The following SF1 variants were observed in gnomAD, a reference collection of about 807,000 sequenced individuals.
SF1 encodes splicing factor 1, also known as branch point-binding protein.
SF1 carries 7 observed loss-of-function variants against 62.5 expected under a neutral mutation model. That is an observed-to-expected ratio of 0.11 (90% CI 0.06 to 0.21). The LOEUF is 0.21. SF1 is among the 10% of genes least tolerant of loss of function. The pLI is 1.00. For missense variants in SF1, 578 were observed against 884.0 expected (o/e 0.65, Z 4.39); for synonymous variants, 394 against 323.6 (o/e 1.22, Z -2.33).
chr11:64,778,147 C>A, intron 1 of SF1: 1 of 822,694 alleles, frequency 1.2e-6, no homozygotes. Flanking sequence ...GCGGCGGCGG[C>A]TGCTGGGGAG....
chr11:64,773,134 C>T, intron 3 of SF1: 1 of 1,209,950 alleles, frequency 8.3e-7, no homozygotes, highest in South Asian at 1.9e-5. Flanking sequence ...AACGGGCCAC[C>T]TCACTGTCCC....
In SF1 at chr11:64,766,004, C is replaced by A. The variant is rs771113225; in HGVS notation, c.1734G>T (p.Pro578=). 5.7e-5 allele frequency: 91 copies of A among 1,596,964 alleles called. No individual in the cohort carries two copies. Among genetic ancestry groups the A allele is most frequent in the Non-Finnish European group, 7.4e-5 (87 of 1,173,594 alleles). ...PLPPGVQPPL[P]PGAPPPPPPP... ...GCGGCGGAGGGGGAGGGGCCCCAGG[C>A]GGCAGAGGCGGCTGGACCCCGGGGG... The change falls in exon 13 of 13, where the codon CCG becomes CCT. Residue 578 remains proline, a synonymous_variant. Coordinates refer to ENST00000377390, the MANE Select transcript of SF1 (RefSeq NM_004630.4).
chr11:64,768,202 A>G lies in SF1; in HGVS notation c.972T>C (p.Pro324=), dbSNP rs1379524993. 1.2e-6 allele frequency: 2 copies of G among 1,614,086 alleles called. No homozygotes were observed. The highest frequency in any genetic ancestry group is 2.2e-5 in the East Asian group (1 of 44,866). ...AGGTGGAGCCCACAGATGCTGGGAC[A>G]GGTGCTTCACCCAGTTCAGCCATGA... ...LSLMAELGEA[P]VPASVGSTSG... Residue 324 remains proline (P), a synonymous_variant, in exon 9 of 13, where the codon CCT becomes CCC. Transcript: ENST00000377390.
At chr11:64,777,644 A>C (rs1592538630) in intron 1 of SF1, 9 of 985,464 alleles carry the variant, frequency 9.1e-6, no homozygotes, top group Non-Finnish European at 9.6e-6. Flanking sequence ...CACAGCTAGC[A>C]CCCCGTCCAG....
Position 64,767,621 on chromosome 11 carries a change from G to T in SF1, c.1292C>A (p.Pro431Gln), listed in dbSNP as rs763586047. ...AGGAGGGTGGGGGCCCTGGTTCATC[G>T]GTGGTGGTGGTGGCTGCATCCAAGG... ...PPPWMQPPPPPMNQGPHPPGH... is the reference protein window; with the variant it reads ...PPPWMQPPPPQMNQGPHPPGH... Residue 431 changes from proline to glutamine, a missense_variant, in exon 10 of 13, where the codon CCG becomes CAG. Transcript: ENST00000377390. 3 of 1,583,302 alleles carry T rather than the reference G, an allele frequency of 1.9e-6. No homozygotes were observed. The highest frequency in any genetic ancestry group is 1.7e-6 in the Non-Finnish European group (2 of 1,165,558).
intron 2 of SF1, among the ~76,000 whole-genome samples, chr11:64,775,213 A>G (rs1403927456): frequency 6.6e-6 from 1 of 152,152 alleles, no homozygotes; most frequent in African/African-American, 2.4e-5. Context: ...TCTTCTGTGG[A>G]GAACTACACC....
chr11:64,767,842 AG>A lies in SF1; in HGVS notation c.1070del (p.Ser357PhefsTer13). ...AAPANNPPPPSLMSTTQSRPP... is the reference protein window; with the variant it reads ...AAPANNPPPPXLMSTTQSRPP... ...GGCGGCTCTGGGTGGTAGACATGAG[AG>A]ACTACGTGAGAGCATTTCCTGCCAA... On this transcript the variant is annotated frameshift_variant and splice_region_variant, in exon 10 of 13. Transcript: ENST00000377390. LOFTEE classifies it high-confidence loss of function. 5 of 1,607,508 alleles carry A rather than the reference AG, an allele frequency of 3.1e-6. No individual in the cohort carries two copies. The highest frequency in any genetic ancestry group is 4.2e-6 in the Non-Finnish European group (5 of 1,177,932).
Position 64,767,598 on chromosome 11 carries a change from G to A in SF1, c.1315C>T (p.Pro439Ser). Residue 439 changes from proline to serine, a missense_variant, in exon 10 of 13, where the codon CCT becomes TCT. Pro to Ser is a moderately conservative substitution (Grantham distance 74, BLOSUM62 -1). Transcript: ENST00000377390. ...PPPMNQGPHP[P>S]GHHGPPPMDQ... is the part of the protein sequence containing the mutation. ...ATTGGAGGAGGGCCATGGTGCCCAG[G>A]AGGGTGGGGGCCCTGGTTCATCGGT... 6.3e-7 allele frequency: 1 copy of A among 1,576,990 alleles called. No homozygotes were observed. The highest frequency in any genetic ancestry group is 1.2e-5 in the South Asian group (1 of 86,880).
At chr11:64,766,257 T>G in intron 12 of SF1, 102 bp from the exon 13 acceptor site, 1 of 53,544 alleles carries the variant, frequency 1.9e-5, no homozygotes. Context: ...GCTCCTTGCT[T>G]GGCATGCGGT....
Position 64,765,356 on chromosome 11 carries a change from C to G in SF1, c.*462G>C. 2 of 814,804 alleles carry G rather than the reference C, an allele frequency of 2.5e-6. No individual in the cohort carries two copies. Among genetic ancestry groups the G allele is most frequent in the East Asian group, 5.1e-5 (2 of 39,242 alleles). 50.5% of individuals were successfully genotyped at this position (814,804 alleles called of 1,614,324 possible). On this transcript the variant is annotated 3_prime_UTR_variant, in exon 13 of 13. Transcript: ENST00000377390. ...TTAATAAAAATTTCACGATATGGAG[C>G]CAGCGTGTTCCGATTCCGTCCACAA...
chr11:64,766,250 CCTTG>C, intron 12 of SF1, 95 bp from the exon 13 acceptor site: 1 of 231,232 alleles, frequency 4.3e-6, no homozygotes, highest in East Asian at 1.8e-4. Context: ...GGCGCCTGCT[CCTTG>C]CTTGGCATGC....
At chr11:64,767,989 A>C (rs1049259705) in intron 9 of SF1, 117 bp downstream of exon 9, 1 of 1,444,382 alleles carries the variant, frequency 6.9e-7, no homozygotes, top group Non-Finnish European at 9.3e-7. Flanking sequence ...ATCCCGGAAG[A>C]ACAATGTTGC....
intron 8 of SF1, 64 bp downstream of exon 8, chr11:64,768,958 T>A: frequency 1.9e-6 from 2 of 1,031,828 alleles, no homozygotes; most frequent in East Asian, 4.7e-5. Context: ...AACCAATGAA[T>A]GTGCCAGAAA....
Position 64,777,411 on chromosome 11 carries a change from C to T in SF1, c.32-785G>A, listed in dbSNP as rs1056818931. The T allele has an allele frequency of 1.4e-5, 11 of 761,248 alleles. No individual in the cohort carries two copies. The African/African-American group carries it at 2.1e-4, about 14-fold the overall frequency. 47.2% of individuals were successfully genotyped at this position (761,248 alleles called of 1,614,324 possible). On this transcript the variant is annotated intron_variant, in intron 1 of 12. Transcript: ENST00000377390. ...CAGACTGAGATCTAAACATACTGAA[C>T]AGATTTAAAAAAAAAAACAAACTAA...
chr11:64,777,135 A>T (rs1248259877), intron 1 of SF1, among the ~76,000 whole-genome samples: 1 of 152,250 alleles, frequency 6.6e-6, no homozygotes, highest in Non-Finnish European at 1.5e-5. Context: ...TTCTTCAACA[A>T]GATCACCTTT....
At chr11:64,767,542 C>T (rs1200428232) in intron 10 of SF1, 29 bp downstream of exon 10, 2 of 1,525,588 alleles carry the variant, frequency 1.3e-6, no homozygotes, top group African/African-American at 2.8e-5. Flanking sequence ...CCCAAAGCCC[C>T]CAAGGTTTCT....
At chr11:64,775,741 C>A (rs1197577414) in intron 2 of SF1, among the ~76,000 whole-genome samples, 1 of 151,982 alleles carries the variant, frequency 6.6e-6, no homozygotes. Context: ...GCATTAAAAA[C>A]TTTTTTTTCC....
At position 64,769,972 on chromosome 11, in the gene SF1, G is replaced by A. The variant is rs1421988333; in HGVS notation, c.471C>T (p.Ile157=). ...YPEINFVGLL[I]GPRGNTLKNI... is the part of the protein sequence containing the mutation. ...GACCAGCAGTTACTCACCTGGGCCC[G>A]ATGAGCAGCCCCACAAAGTTGATTT... The change falls in exon 5 of 13, where the codon ATC becomes ATT. Residue 157 remains isoleucine, a synonymous_variant. Transcript: ENST00000377390. The A allele has an allele frequency of 1.2e-5, 19 of 1,612,344 alleles. No homozygotes were observed. Among genetic ancestry groups the A allele is most frequent in the South Asian group, 2.2e-5 (2 of 90,998 alleles).
At chr11:64,774,351 T>TAAA (rs1342499531) in intron 2 of SF1, among the ~76,000 whole-genome samples, 2 of 152,184 alleles carry the variant, frequency 1.3e-5, no homozygotes, top group African/African-American at 4.8e-5. Context: ...AGATGAGGGT[T>TAAA]TCACAAAAGT....
Sources: gnomAD v4.1 joint callset for allele counts (sites outside exome capture counted in the v4.1 genomes callset) on GRCh38, gnomAD v4.1.1 for gene constraint, MANE v1.5 for transcripts, NCBI Gene and HGNC (gene_info 2026-07-23, HGNC 2026-07-21) for gene names.